Variants in CLUH observed in about 807,000 individuals in gnomAD.
CLUH encodes the protein clustered mitochondria protein homolog.
Under a neutral mutation model 139.3 loss-of-function variants are expected in CLUH, and 77 were observed. That is an observed-to-expected ratio of 0.55 (90% confidence interval 0.46 to 0.67). The LOEUF is 0.67. Ranked by LOEUF, CLUH falls within the 30% of genes least tolerant of loss-of-function variation. CLUH has a pLI of 0.00. For synonymous variants in CLUH, 999 were observed against 801.6 expected, an observed-to-expected ratio of 1.25 and a Z score of -4.16; for missense variants, 1,876 against 1,875.8, an observed-to-expected ratio of 1.00 and a Z score of 0.00.
At chr17:2,695,778 C>A (rs1352390469) in intron 13 of CLUH, 2 of 595,774 alleles carry the variant, frequency 3.4e-6, no homozygotes, top group Non-Finnish European at 5.9e-6. Context: ...CACTACTTGA[C>A]CCCCAGCCCC....
intron 10 of CLUH, among the ~76,000 whole-genome samples, chr17:2,697,487 G>C (rs1258807724): frequency 6.6e-6 from 1 of 151,954 alleles, no homozygotes; most frequent in African/African-American, 2.4e-5. Context: ...AACAGTGACA[G>C]GAAGCCACTG....
intron 9 of CLUH, among the ~76,000 whole-genome samples, chr17:2,699,445 G>T (rs1190107650): frequency 6.6e-6 from 1 of 152,028 alleles, no homozygotes; most frequent in African/African-American, 2.4e-5. Flanking sequence ...TCCCACTCCA[G>T]CCTCCCGAGT....
chr17:2,708,681 C>T (rs988890956), intron 1 of CLUH, among the ~76,000 whole-genome samples: 1 of 152,078 alleles, frequency 6.6e-6, no homozygotes, highest in Non-Finnish European at 1.5e-5. Context: ...TGAGTCACTC[C>T]CACTGAGCGC....
chr17:2,705,888 T>G (rs1355140361), intron 1 of CLUH, among the ~76,000 whole-genome samples: 2 of 152,194 alleles, frequency 1.3e-5, no homozygotes, highest in African/African-American at 4.8e-5. Flanking sequence ...CCTGTTCCGC[T>G]GAGGAGCCAA....
In CLUH at chr17:2,704,535, C is replaced by G; in HGVS notation, c.130G>C (p.Asp44His). ...ELPSVMLLNG[D>H]CPESLKKEAA... ...TCCTTCTTCAGGCTCTCTGGGCAGT[C>G]CCCGTTTAAGAGCATGACTGATGGC... is the stretch of plus-strand genomic sequence containing the variant. Residue 44 changes from aspartate (D) to histidine (H), a missense_variant, in exon 2 of 26, where the codon GAC becomes CAC. Physicochemically the swap from Asp to His is moderately conservative, Grantham distance 81 (BLOSUM62 -1). Transcript: ENST00000651024. This position sits in a 1 kb window ranked among gnomAD's most constrained non-coding sequence, Gnocchi z 5.7. The G allele has an allele frequency of 1.9e-6, 3 of 1,575,350 alleles. No homozygotes were observed. The highest frequency in any genetic ancestry group is 2.6e-6 in the Non-Finnish European group (3 of 1,160,930).
Position 2,707,454 on chromosome 17 carries a change from G to A in CLUH, c.101-2890C>T, listed in dbSNP as rs2070382468. The A allele has an allele frequency of 1.0e-6, 1 of 985,276 alleles. No individual in the cohort carries two copies. Among genetic ancestry groups the A allele is most frequent in the Non-Finnish European group, 1.2e-6 (1 of 829,912 alleles). The allele number at this position is 985,276 out of a possible 1,614,324, so 61.0% of individuals were successfully genotyped here. A position where few individuals can be genotyped will look rare whatever the true frequency, so the allele number is the denominator to read the frequency against. ...GGCCAGAAGGACGGCTGTGGGCCAGGAGAACCCGGTGGCCCCAGGACCCCA... is the reference window on the plus strand; with the variant it reads ...GGCCAGAAGGACGGCTGTGGGCCAGAAGAACCCGGTGGCCCCAGGACCCCA... On this transcript the variant is annotated intron_variant, in intron 1 of 25. Coordinates refer to ENST00000651024, the MANE Select transcript of CLUH (RefSeq NM_001366661.1). This position sits in a 1 kb window ranked among gnomAD's most constrained non-coding sequence, Gnocchi z 7.4.
Position 2,704,389 on chromosome 17 carries a change from G to A in CLUH, c.276C>T (p.Ala92=), listed in dbSNP as rs1201413973. 1 of 1,611,662 alleles carries A rather than the reference G, an allele frequency of 6.2e-7. No homozygotes were observed. The highest frequency in any genetic ancestry group is 2.2e-5 in the East Asian group (1 of 44,778). The change falls in exon 2 of 26, where the codon GCC becomes GCT. Residue 92 remains alanine, a synonymous_variant. Coordinates refer to ENST00000651024, the MANE Select transcript of CLUH (RefSeq NM_001366661.1). The surrounding 1 kb of genome is among the most constrained non-coding windows in gnomAD (Gnocchi z 5.7). ...QDTGFSVKIL[A]PGIEPFSLQV... Reference sequence around the variant, plus strand: ...GCAGGGAGAAGGGCTCGATCCCAGGGGCGAGGATCTTCACAGAAAAGCCCG... The same window carrying A: ...GCAGGGAGAAGGGCTCGATCCCAGGAGCGAGGATCTTCACAGAAAAGCCCG...
intron 1 of CLUH, among the ~76,000 whole-genome samples, chr17:2,710,463 A>G (rs1331386406): frequency 6.6e-6 from 1 of 152,172 alleles, no homozygotes; most frequent in Non-Finnish European, 1.5e-5. Context: ...GCACTCACTG[A>G]AGCTAGGAAG....
intron 16 of CLUH, 35 bp downstream of exon 16, chr17:2,694,822 T>TGCCCCCCCCCCCCCCCC: frequency 1.5e-6 from 2 of 1,346,336 alleles, no homozygotes; most frequent in Non-Finnish European, 1.0e-6. Flanking sequence ...ATCTGCCCAA[T>TGCCCCCCCCCCCCCCCC]CCCACCCACC....
chr17:2,694,430 CA>C (rs747040809), intron 17 of CLUH, 49 bp downstream of exon 17: 17 of 76,438 alleles, frequency 2.2e-4, no homozygotes, highest in Admixed American at 6.1e-4. Context: ...AGCAGGGACG[CA>C]GCGGGGACAC....
chr17:2,694,633 C>T, intron 16 of CLUH, 69 bp from the exon 17 acceptor site: 2 of 1,439,616 alleles, frequency 1.4e-6, no homozygotes, highest in East Asian at 2.5e-5. Context: ...CCCCACCCAG[C>T]TCCCCAACGC....
chr17:2,694,859 C>T lies in CLUH; in HGVS notation c.2850G>A (p.Glu950=), dbSNP rs1374931922. 4 of 1,515,746 alleles carry T rather than the reference C, an allele frequency of 2.6e-6. No homozygotes were observed. The Admixed American group carries it at 6.4e-5, about 24-fold the overall frequency. The allele number at this position is 1,515,746 out of a possible 1,614,324, so 93.9% of individuals were successfully genotyped here. A position where few individuals can be genotyped will look rare whatever the true frequency, so the allele number is the denominator to read the frequency against. ...CACCGCCCCTGCCCCGCACGCACCA[C>T]TCGAGGTCGAAGTCAAAGTAGTTCT... The part of the protein sequence containing the change: ...EAKNYFDFDL[E]CETVDQAVET... The change falls in exon 16 of 26, where the codon GAG becomes GAA. Residue 950 remains glutamate (E), a splice_region_variant and synonymous_variant. Transcript: ENST00000651024.
At chr17:2,690,848 C>G in intron 25 of CLUH, 71 bp from the exon 26 acceptor site, 1 of 1,261,286 alleles carries the variant, frequency 7.9e-7, no homozygotes, top group Non-Finnish European at 1.1e-6. Context: ...TCCCGGCTTT[C>G]CTGTGGGATA....
chr17:2,690,722 C>T lies in CLUH; in HGVS notation c.3919G>A (p.Glu1307Lys). ...AEVARRHQLQ[E>K]ASRNRDRAEE... Reference sequence around the variant, plus strand: ...GCTCTATCCCTGTTTCTGCTGGCCTCCTGGAGCTGGTGCCGCCGCGCCACC... The same window carrying T: ...GCTCTATCCCTGTTTCTGCTGGCCTTCTGGAGCTGGTGCCGCCGCGCCACC... Residue 1307 changes from glutamate (E) to lysine (K), a missense_variant, in exon 26 of 26, where the codon GAG (glutamate) becomes AAG (lysine). This residue lies in a region of CLUH where 1,454 missense variants were observed against 1,384.4 expected (regional missense o/e 1.05). Coordinates refer to ENST00000651024, the MANE Select transcript of CLUH (RefSeq NM_001366661.1). The T allele has an allele frequency of 6.4e-7, 1 of 1,558,772 alleles. No individual in the cohort carries two copies. Among genetic ancestry groups the T allele is most frequent in the Non-Finnish European group, 8.6e-7 (1 of 1,159,976 alleles).
chr17:2,695,020 G>A lies in CLUH; in HGVS notation c.2689C>T (p.His897Tyr), dbSNP rs1416873505. The change falls in exon 16 of 26, where the codon CAC becomes TAC. Residue 897 changes from histidine to tyrosine, a missense_variant. His to Tyr is a moderately conservative substitution (Grantham distance 83). Transcript: ENST00000651024. ...FLSSYPNPVA[H>Y]LPADELVSKK... ...GAGACCAGCTCGTCGGCGGGCAGGT[G>A]GGCCACGGGGTTTGGGTAGGAGCTC... 6.2e-7 allele frequency: 1 copy of A among 1,613,558 alleles called. No homozygotes were observed. Among genetic ancestry groups the A allele is most frequent in the Non-Finnish European group, 8.5e-7 (1 of 1,179,794 alleles).
In CLUH at chr17:2,698,293, C is replaced by T. The variant is rs1295297995; in HGVS notation, c.1564G>A (p.Ala522Thr). Reference sequence around the variant, plus strand: ...AGGATGCCGGGGATGATGGACTGGGCCGTGACCCGGTAGCCGCGGTAATCC... The same window carrying T: ...AGGATGCCGGGGATGATGGACTGGGTCGTGACCCGGTAGCCGCGGTAATCC... ...VVDYRGYRVT[A>T]QSIIPGILER... Residue 522 changes from alanine (A) to threonine (T), a missense_variant, in exon 10 of 26, where the codon GCC becomes ACC. Ala to Thr is a moderately conservative substitution (Grantham distance 58). Coordinates refer to ENST00000651024, the MANE Select transcript of CLUH (RefSeq NM_001366661.1). 6.2e-7 allele frequency: 1 copy of T among 1,611,936 alleles called. No individual in the cohort carries two copies. Among genetic ancestry groups the T allele is most frequent in the Non-Finnish European group, 8.5e-7 (1 of 1,179,390 alleles).
In CLUH at chr17:2,698,938, C is replaced by T. The variant is rs570473393; in HGVS notation, c.1267-348G>A. On this transcript the variant is annotated intron_variant, in intron 9 of 25. Coordinates refer to ENST00000651024, the MANE Select transcript of CLUH (RefSeq NM_001366661.1). The stretch of plus-strand genomic sequence containing the variant: ...GGCGCGCGCCTGTAGTCCCAGCCAC[C>T]CGACAGGCTGAGGCAGGAGAATTGC... Among the ~76,000 whole-genome samples, 7 of 152,174 alleles carry T rather than the reference C, an allele frequency of 4.6e-5. No homozygotes were observed. The East Asian group carries it at 1.4e-3, about 29-fold the overall frequency.
chr17:2,702,960 G>A lies in CLUH; in HGVS notation c.475+358C>T, dbSNP rs568029184. On this transcript the variant is annotated intron_variant, in intron 3 of 25. Transcript: ENST00000651024. ...CTGCCTCAGCCTCCCGAGTAGCTGG[G>A]ATTACAGGCACCTGCCACCACGCGC... Among the ~76,000 whole-genome samples, 6 of 152,292 alleles carry A rather than the reference G, an allele frequency of 3.9e-5. No individual in the cohort carries two copies. In the South Asian group the frequency reaches 6.2e-4, roughly 16 times the overall value.
intron 1 of CLUH, among the ~76,000 whole-genome samples, chr17:2,705,277 C>T (rs1351358642): frequency 6.6e-6 from 1 of 152,186 alleles, no homozygotes; most frequent in African/African-American, 2.4e-5. Flanking sequence ...GGGACCCGGC[C>T]TCTGCAGCCA....
Sources: gnomAD v4.1 joint callset for allele counts (sites outside exome capture counted in the v4.1 genomes callset) on GRCh38, gnomAD v4.1.1 for gene constraint, gnomAD v4.1.1 regional missense constraint, Gnocchi (gnomAD v3.1) non-coding constraint, MANE v1.5 for transcripts, NCBI Gene and HGNC (gene_info 2026-07-23, HGNC 2026-07-21) for gene names.